IFT81: variants seen among roughly 807,000 people sequenced by gnomAD.
IFT81 encodes intraflagellar transport 81.
IFT81 carries 72 observed loss-of-function variants against 102.6 expected under a neutral mutation model. That is an observed-to-expected ratio of 0.70 (90% CI 0.58 to 0.85). The LOEUF is 0.85. Ranked by LOEUF, IFT81 falls within the 40% of genes least tolerant of loss-of-function variation. IFT81 has a pLI of 0.00. For missense variants in IFT81, 723 were observed against 787.3 expected (o/e 0.92, Z 0.98); for synonymous variants, 237 against 242.7 (o/e 0.98, Z 0.22).
chr12:110,166,461 A>G (rs1896440396), intron 11 of IFT81, among the ~76,000 whole-genome samples: 1 of 152,140 alleles, frequency 6.6e-6, no homozygotes, highest in Non-Finnish European at 1.5e-5. Flanking sequence ...TAATGGTTAT[A>G]CAACAGCAAC....
Position 110,218,358 on chromosome 12 carries a change from A to G in IFT81, c.*132A>G, listed in dbSNP as rs866722300. On this transcript the variant is annotated 3_prime_UTR_variant, in exon 19 of 19. Coordinates refer to ENST00000242591, the MANE Select transcript of IFT81 (RefSeq NM_014055.4). Reference sequence around the variant, plus strand: ...AAGAGCCATTCTTTATTAAGTTTTCATAGAAAATAATGTTAAGGTAGATTT... The same window carrying G: ...AAGAGCCATTCTTTATTAAGTTTTCGTAGAAAATAATGTTAAGGTAGATTT... The G allele has an allele frequency of 1.5e-4, 88 of 601,706 alleles. No individual in the cohort carries two copies. The highest frequency in any genetic ancestry group is 1.1e-3 in the Middle Eastern group (4 of 3,484). The allele number at this position is 601,706 out of a possible 1,614,324, so 37.3% of individuals were successfully genotyped here.
intron 11 of IFT81, among the ~76,000 whole-genome samples, chr12:110,178,880 G>A (rs942974819): frequency 1.3e-5 from 2 of 151,514 alleles, no homozygotes; most frequent in African/African-American, 4.9e-5. Flanking sequence ...GCCTCCCAAA[G>A]TGTTAGGATT....
At chr12:110,161,535 T>C (rs1171115259) in intron 10 of IFT81, among the ~76,000 whole-genome samples, 1 of 151,820 alleles carries the variant, frequency 6.6e-6, no homozygotes, top group Non-Finnish European at 1.5e-5. Context: ...CCTCAACCTC[T>C]TAAGCTGAAG....
chr12:110,126,886 G>T (rs1234002629), intron 1 of IFT81, among the ~76,000 whole-genome samples: 1 of 152,196 alleles, frequency 6.6e-6, no homozygotes, highest in Admixed American at 6.5e-5. Flanking sequence ...ACAAATGTGG[G>T]CCCACGGTTG....
chr12:110,154,485 G>T (rs1324472902), intron 10 of IFT81, among the ~76,000 whole-genome samples: 2 of 151,734 alleles, frequency 1.3e-5, no homozygotes, highest in Non-Finnish European at 2.9e-5. Flanking sequence ...ACAAAAATTA[G>T]CCGGGCATGA....
chr12:110,200,095 T>G (rs1443325493), intron 14 of IFT81, among the ~76,000 whole-genome samples: 2 of 152,204 alleles, frequency 1.3e-5, no homozygotes, highest in Non-Finnish European at 2.9e-5. Context: ...TTTCTTTTAT[T>G]TCTTTGAGAG....
At chr12:110,177,038 A>G (rs1230829726) in intron 11 of IFT81, among the ~76,000 whole-genome samples, 1 of 152,232 alleles carries the variant, frequency 6.6e-6, no homozygotes, top group South Asian at 2.1e-4. Flanking sequence ...TGTCAGGCTT[A>G]CACATTTATT....
At chr12:110,163,401 C>T (rs181712500) in intron 11 of IFT81, among the ~76,000 whole-genome samples, 1 of 151,766 alleles carries the variant, frequency 6.6e-6, no homozygotes, top group Admixed American at 6.6e-5. Flanking sequence ...CCAACATGCC[C>T]AGCTAATTTT....
At chr12:110,155,856 T>C (rs374460754) in intron 10 of IFT81, among the ~76,000 whole-genome samples, 31 of 152,322 alleles carry the variant, frequency 2.0e-4, no homozygotes, top group Admixed American at 8.5e-4. Context: ...GCTATTTTCT[T>C]TGTGGTTACC....
chr12:110,128,298 T>G, intron 3 of IFT81, 149 bp downstream of exon 3: 2 of 591,126 alleles, frequency 3.4e-6, no homozygotes, highest in Non-Finnish European at 6.0e-6. Flanking sequence ...TCTTAAACCT[T>G]CTATAAACAA....
At chr12:110,186,154 C>A (rs999867120) in intron 12 of IFT81, among the ~76,000 whole-genome samples, 3 of 152,182 alleles carry the variant, frequency 2.0e-5, no homozygotes, top group African/African-American at 7.2e-5. Flanking sequence ...TTTTGGTTGG[C>A]AGCTATTTTC....
At position 110,127,492 on chromosome 12, in the gene IFT81, C is replaced by G; in HGVS notation, c.112C>G (p.Leu38Val). ...SLEPMQLLQV[L>V]SDVLAEIDPK... ...GGAGCCAATGCAACTATTACAAGTTCTCAGTGATGTTCTGGCTGAGATTGA... is the reference window on the plus strand; with the variant it reads ...GGAGCCAATGCAACTATTACAAGTTGTCAGTGATGTTCTGGCTGAGATTGA... The change falls in exon 2 of 19, where the codon CTC (leucine) becomes GTC (valine). Residue 38 changes from leucine (L) to valine (V), a missense_variant. Coordinates refer to ENST00000242591, the MANE Select transcript of IFT81 (RefSeq NM_014055.4). 2.5e-6 allele frequency: 4 copies of G among 1,607,920 alleles called. No homozygotes were observed. The highest frequency in any genetic ancestry group is 3.4e-6 in the Non-Finnish European group (4 of 1,178,062).
At chr12:110,139,163 C>T (rs952626390) in intron 8 of IFT81, among the ~76,000 whole-genome samples, 1 of 151,714 alleles carries the variant, frequency 6.6e-6, no homozygotes, top group African/African-American at 2.4e-5. Flanking sequence ...TGGCAAAACC[C>T]TGTCTCTACA....
chr12:110,164,436 C>T (rs1244599561), intron 11 of IFT81, among the ~76,000 whole-genome samples: 1 of 152,082 alleles, frequency 6.6e-6, no homozygotes, highest in South Asian at 2.1e-4. Context: ...ATTGCTTGGA[C>T]TTTACCAATT....
rs1304833419 is a variant in IFT81 at position 110,205,781 on chromosome 12, G to A, written c.1802+101G>A. ...ATACAAATTTAGCATATTTAAGTAA[G>A]TAGACACTAAGATATTATTTAATAC... On this transcript the variant is annotated intron_variant, in intron 17 of 18. Transcript: ENST00000242591. The A allele has an allele frequency of 4.8e-5, 33 of 680,974 alleles. 1 individual carries two copies. The allele number at this position is 680,974 out of a possible 1,614,324, so 42.2% of individuals were successfully genotyped here. A position where few individuals can be genotyped will look rare whatever the true frequency, so the allele number is the denominator to read the frequency against.
chr12:110,132,203 G>T (rs1894201642), intron 4 of IFT81, among the ~76,000 whole-genome samples: 1 of 152,062 alleles, frequency 6.6e-6, no homozygotes, highest in Non-Finnish European at 1.5e-5. Flanking sequence ...GGTGGCTCAC[G>T]CCTGTAATCC....
chr12:110,171,761 A>G (rs1408749625), intron 11 of IFT81: 1 of 152,216 alleles, frequency 6.6e-6, no homozygotes, highest in Non-Finnish European at 1.5e-5. Flanking sequence ...AATCCAAATA[A>G]TTTATTGGAG....
At chr12:110,182,973 C>T (rs553486991) in intron 12 of IFT81, among the ~76,000 whole-genome samples, 61 of 152,258 alleles carry the variant, frequency 4.0e-4, no homozygotes, top group Non-Finnish European at 5.6e-4. Flanking sequence ...TACACCCCAT[C>T]CTAAAGGTAG....
In IFT81 at chr12:110,218,278, A is replaced by G. The variant is rs774777010; in HGVS notation, c.*52A>G. On this transcript the variant is annotated 3_prime_UTR_variant, in exon 19 of 19. Coordinates refer to ENST00000242591, the MANE Select transcript of IFT81 (RefSeq NM_014055.4). ...ACTTGATACCACTAGCTATAAGCCT[A>G]ATCTCATAATGTATTTCTTTTTTGA... 1.1e-5 allele frequency: 14 copies of G among 1,310,686 alleles called. No individual in the cohort carries two copies. The highest frequency in any genetic ancestry group is 6.1e-5 in the African/African-American group (4 of 65,420). The allele number at this position is 1,310,686 out of a possible 1,614,324, so 81.2% of individuals were successfully genotyped here.
Sources: allele counts gnomAD v4.1 joint callset (sites outside exome capture counted in the v4.1 genomes callset), GRCh38; gene constraint gnomAD v4.1.1; transcripts MANE v1.5; gene names NCBI Gene and HGNC (gene_info 2026-07-23, HGNC 2026-07-21).